Variants in CREB1 observed in about 807,000 individuals in gnomAD.
CREB1 encodes the protein cAMP responsive element binding protein 1.
CREB1 carries 2 observed loss-of-function variants against 42.0 expected under a neutral mutation model. The observed-to-expected ratio is 0.05, with a 90% CI of 0.02 to 0.15. CREB1 has a LOEUF of 0.15. Ranked by LOEUF, CREB1 falls within the 10% of genes least tolerant of loss-of-function variation. The probability of loss-of-function intolerance (pLI) is 1.00; values close to 1 mark genes in which losing one functional copy is unlikely to be tolerated. For synonymous variants in CREB1, 123 were observed against 139.9 expected, an observed-to-expected ratio of 0.88 and a Z score of 0.85; for missense variants, 199 against 388.9, an observed-to-expected ratio of 0.51 and a Z score of 4.11.
intron 1 of CREB1, among the ~76,000 whole-genome samples, chr2:207,549,093 A>G (rs1356154317): frequency 6.6e-6 from 1 of 152,200 alleles, no homozygotes; most frequent in Non-Finnish European, 1.5e-5. Flanking sequence ...CATTTATCAC[A>G]TTGTCTGCTC....
intron 1 of CREB1, among the ~76,000 whole-genome samples, chr2:207,542,095 G>C (rs983469194): frequency 6.6e-6 from 1 of 152,104 alleles, no homozygotes; most frequent in African/African-American, 2.4e-5. Context: ...ACGGACATTG[G>C]ACTTTTTGAT....
At position 207,604,191 on chromosome 2, in the gene CREB1, AC is replaced by A. The variant is rs1405304199; in HGVS notation, c.*7135del. Among the ~76,000 whole-genome samples, 15 of 152,234 alleles carry A rather than the reference AC, an allele frequency of 9.9e-5. No homozygotes were observed. The highest frequency in any genetic ancestry group is 3.4e-4 in the African/African-American group (14 of 41,454). On this transcript the variant is annotated 3_prime_UTR_variant, in exon 8 of 8. Coordinates refer to ENST00000353267, the MANE Select transcript of CREB1 (RefSeq NM_004379.5). ...AAAAGATTGCCCATCTTGTCATTTGACCAGGCACTGAAGTGACAAGACCATC... is the reference window on the plus strand; with the variant it reads ...AAAAGATTGCCCATCTTGTCATTTGACAGGCACTGAAGTGACAAGACCATC...
rs2086897904 is a variant in CREB1, at chr2:207,600,717, C to T, written c.*3659C>T. 4.7e-6 allele frequency: 1 copy of T among 211,920 alleles called. No homozygotes were observed. Among genetic ancestry groups the T allele is most frequent in the African/African-American group, 2.3e-5 (1 of 44,238 alleles). The allele number at this position is 211,920 out of a possible 1,614,324, so 13.1% of individuals were successfully genotyped here. On this transcript the variant is annotated 3_prime_UTR_variant, in exon 8 of 8. Transcript: ENST00000353267. ...CAGCAGCAGTGCTAGTCTCTGAAAG[C>T]ACAATACCAGTCAGGCAGCCTATCC... is the stretch of plus-strand genomic sequence containing the variant.
chr2:207,587,687 C>A (rs558940637), intron 7 of CREB1, among the ~76,000 whole-genome samples: 1 of 152,158 alleles, frequency 6.6e-6, no homozygotes, highest in Admixed American at 6.5e-5. Context: ...CAAAATAACT[C>A]AAACATGGAA....
rs1401388338 is a variant in CREB1 at position 207,604,888 on chromosome 2, CAT to C, written c.*7831_*7832del. ...TGTTGTTGAGGTTGATCCATTGTAA[CAT>C]GTTATCACTACTTCATTCCTTTTTA... On this transcript the variant is annotated 3_prime_UTR_variant, in exon 8 of 8. Transcript: ENST00000353267. Among the ~76,000 whole-genome samples the C allele has an allele frequency of 2.0e-5, 3 of 152,176 alleles. No individual in the cohort carries two copies. Among genetic ancestry groups the C allele is most frequent in the Non-Finnish European group, 4.4e-5 (3 of 68,038 alleles).
At chr2:207,582,327 T>G (rs1048351929) in intron 7 of CREB1, among the ~76,000 whole-genome samples, 2 of 152,228 alleles carry the variant, frequency 1.3e-5, no homozygotes, top group African/African-American at 4.8e-5. Flanking sequence ...CTACAGTAAT[T>G]ATTACTATTT....
intron 5 of CREB1, among the ~76,000 whole-genome samples, chr2:207,571,203 A>G (rs1373623436): frequency 6.6e-6 from 1 of 151,900 alleles, no homozygotes; most frequent in Non-Finnish European, 1.5e-5. Context: ...GGGAATCTGT[A>G]TCAGAAATAT....
chr2:207,539,010 T>C (rs1463320250), intron 1 of CREB1, among the ~76,000 whole-genome samples: 6 of 151,508 alleles, frequency 4.0e-5, no homozygotes, highest in Non-Finnish European at 8.8e-5. Flanking sequence ...ACCACTGAAG[T>C]GAAAATTACA....
chr2:207,565,742 G>A (rs1480283675), intron 3 of CREB1, among the ~76,000 whole-genome samples: 1 of 152,106 alleles, frequency 6.6e-6, no homozygotes, highest in East Asian at 1.9e-4. Flanking sequence ...AGCCACAGAG[G>A]AGCTAAGTGA....
intron 1 of CREB1, among the ~76,000 whole-genome samples, chr2:207,539,746 G>A (rs902475661): frequency 9.2e-5 from 14 of 152,160 alleles, no homozygotes; most frequent in Admixed American, 9.2e-4. Flanking sequence ...GCTTAGTGAG[G>A]AAAAGTTTTG....
chr2:207,537,230 G>A (rs1013033829), intron 1 of CREB1, among the ~76,000 whole-genome samples: 4 of 151,778 alleles, frequency 2.6e-5, no homozygotes, highest in African/African-American at 7.3e-5. Context: ...AAAGAGACAG[G>A]GTTTCACCAT....
intron 7 of CREB1, among the ~76,000 whole-genome samples, chr2:207,586,183 C>G (rs2083805696): frequency 6.6e-6 from 1 of 152,164 alleles, no homozygotes; most frequent in African/African-American, 2.4e-5. Flanking sequence ...CACTACCTGA[C>G]TTCAAAATAT....
chr2:207,560,725 A>G (rs1002760188), intron 3 of CREB1, among the ~76,000 whole-genome samples: 1 of 152,212 alleles, frequency 6.6e-6, no homozygotes, highest in African/African-American at 2.4e-5. Context: ...TAAATCTGCA[A>G]TTGGAGAAAA....
At chr2:207,583,688 T>C (rs1017027029) in intron 7 of CREB1, among the ~76,000 whole-genome samples, 11 of 152,358 alleles carry the variant, frequency 7.2e-5, no homozygotes, top group Non-Finnish European at 1.2e-4. Flanking sequence ...AATTTGCATA[T>C]ACATAAGTTC....
At chr2:207,531,647 C>T (rs749270793) in intron 1 of CREB1, among the ~76,000 whole-genome samples, 21 of 152,104 alleles carry the variant, frequency 1.4e-4, no homozygotes, top group Non-Finnish European at 1.3e-4. Context: ...TGGCTCATTT[C>T]GTGATTTAAA....
intron 1 of CREB1, among the ~76,000 whole-genome samples, chr2:207,553,815 C>T (rs1290877064): frequency 6.6e-6 from 1 of 152,134 alleles, no homozygotes; most frequent in African/African-American, 2.4e-5. Flanking sequence ...CTGTACAGTT[C>T]TACAAAATTC....
rs1477158205 is a variant in CREB1, at chr2:207,597,472, C to T, written c.*414C>T. 8 of 225,830 alleles carry T rather than the reference C, an allele frequency of 3.5e-5. No homozygotes were observed. Among genetic ancestry groups the T allele is most frequent in the African/African-American group, 1.6e-4 (7 of 44,762 alleles). 14.0% of individuals were successfully genotyped at this position (225,830 alleles called of 1,614,324 possible). On this transcript the variant is annotated 3_prime_UTR_variant, in exon 8 of 8. Coordinates refer to ENST00000353267, the MANE Select transcript of CREB1 (RefSeq NM_004379.5). ...TCTTGAGCTGAAGTAATGTGTGGGC[C>T]GCATGCATAAAGTAAGTAAGGTGCA...
chr2:207,543,547 A>G (rs1431201838), intron 1 of CREB1, among the ~76,000 whole-genome samples: 2 of 152,098 alleles, frequency 1.3e-5, no homozygotes, highest in African/African-American at 4.8e-5. Flanking sequence ...GTAGTACTGC[A>G]TTATCTCTTT....
intron 1 of CREB1, among the ~76,000 whole-genome samples, chr2:207,552,161 A>C (rs2081535455): frequency 6.6e-6 from 1 of 152,066 alleles, no homozygotes; most frequent in African/African-American, 2.4e-5. Context: ...GCTCCTATAC[A>C]CACTTTGTTT....
Sources: allele counts gnomAD v4.1 joint callset (sites outside exome capture counted in the v4.1 genomes callset), GRCh38; gene constraint gnomAD v4.1.1; transcripts MANE v1.5; gene names NCBI Gene and HGNC (gene_info 2026-07-23, HGNC 2026-07-21).